ICA1: variants seen among roughly 807,000 people sequenced by gnomAD.
ICA1 encodes 69 kDa islet cell autoantigen.
ICA1 carries 40 observed loss-of-function variants against 71.0 expected under a neutral mutation model. That is an observed-to-expected ratio of 0.56 (90% CI 0.44 to 0.73). The LOEUF (loss-of-function observed/expected upper bound fraction) is 0.73. Ranked by LOEUF, ICA1 falls within the 30% of genes least tolerant of loss-of-function variation. The probability of loss-of-function intolerance (pLI) is 0.00; values close to 1 mark genes in which losing one functional copy is unlikely to be tolerated. For synonymous variants in ICA1, 207 were observed against 209.5 expected, an observed-to-expected ratio of 0.99 and a Z score of 0.10; for missense variants, 578 against 576.5, an observed-to-expected ratio of 1.00 and a Z score of -0.03.
intron 5 of ICA1, among the ~76,000 whole-genome samples, chr7:8,219,311 T>G (rs941456524): frequency 6.6e-6 from 1 of 152,276 alleles, no homozygotes; most frequent in African/African-American, 2.4e-5. Context: ...AAATATACTC[T>G]TCTTCATGAA....
At chr7:8,121,466 G>A (rs1240381796) in intron 13 of ICA1, among the ~76,000 whole-genome samples, 1 of 152,184 alleles carries the variant, frequency 6.6e-6, no homozygotes, top group Admixed American at 6.5e-5. Flanking sequence ...GATGGAACTG[G>A]AAGACATTAT....
chr7:8,126,535 A>C (rs1562536490), intron 13 of ICA1, among the ~76,000 whole-genome samples: 1 of 151,736 alleles, frequency 6.6e-6, no homozygotes, highest in Non-Finnish European at 1.5e-5. Flanking sequence ...CATGTATTTC[A>C]TTTAAAAAAA....
intron 6 of ICA1, among the ~76,000 whole-genome samples, chr7:8,199,957 A>C (rs949178272): frequency 2.0e-5 from 3 of 152,150 alleles, no homozygotes; most frequent in Admixed American, 6.5e-5. Flanking sequence ...TAATGGGTAC[A>C]AAAAAATAGA....
chr7:8,151,853 G>C (rs1798907522), intron 8 of ICA1, among the ~76,000 whole-genome samples: 1 of 152,210 alleles, frequency 6.6e-6, no homozygotes, highest in African/African-American at 2.4e-5. Flanking sequence ...ACAGTGCTAA[G>C]ACCTACACCC....
chr7:8,246,816 G>A (rs1003914843), intron 1 of ICA1, among the ~76,000 whole-genome samples: 7 of 152,122 alleles, frequency 4.6e-5, no homozygotes, highest in East Asian at 1.9e-4. Flanking sequence ...GTGCGATCTC[G>A]GCTCACCACA....
At position 8,222,556 on chromosome 7, in the gene ICA1, GACATTAGGC is replaced by G. The variant is rs1186864337; in HGVS notation, c.257-1167_257-1159del. Among the ~76,000 whole-genome samples, 5 of 152,128 alleles carry G rather than the reference GACATTAGGC, an allele frequency of 3.3e-5. No homozygotes were observed. The highest frequency in any genetic ancestry group is 9.7e-5 in the African/African-American group (4 of 41,398). On this transcript the variant is annotated intron_variant, in intron 4 of 13. Coordinates refer to ENST00000402384, the MANE Select transcript of ICA1 (RefSeq NM_001136020.3). This position sits in a 1 kb window ranked among gnomAD's most constrained non-coding sequence, Gnocchi z 4.8. ...ATAATCTCACTAACAATAATTGTAG[GACATTAGGC>G]AGGAACCACAAATCCAAAGGTGAAG...
chr7:8,260,307 G>C (rs1009983227), intron 1 of ICA1, among the ~76,000 whole-genome samples: 1 of 152,070 alleles, frequency 6.6e-6, no homozygotes, highest in Non-Finnish European at 1.5e-5. Context: ...TATACTTTTC[G>C]TGAGATTGAT....
chr7:8,246,133 G>A (rs1463790103), intron 1 of ICA1, among the ~76,000 whole-genome samples: 1 of 152,194 alleles, frequency 6.6e-6, no homozygotes, highest in Non-Finnish European at 1.5e-5. Context: ...CTAAAGATCT[G>A]CTTGTGGTCA....
intron 9 of ICA1, among the ~76,000 whole-genome samples, chr7:8,143,602 C>T (rs1795933984): frequency 6.6e-6 from 1 of 152,168 alleles, no homozygotes; most frequent in Non-Finnish European, 1.5e-5. Flanking sequence ...CCAGGGAATG[C>T]TGGGGACATT....
chr7:8,128,220 A>G, intron 12 of ICA1, 78 bp from the exon 13 acceptor site: 1 of 1,445,672 alleles, frequency 6.9e-7, no homozygotes, highest in South Asian at 1.3e-5. Context: ...GGGGCTGCGA[A>G]GGGGGAGACT....
intron 12 of ICA1, among the ~76,000 whole-genome samples, chr7:8,135,619 T>A (rs1031849301): frequency 6.6e-6 from 1 of 152,176 alleles, no homozygotes; most frequent in Admixed American, 6.5e-5. Flanking sequence ...GGTAAACATG[T>A]ATGACTGCTG....
chr7:8,143,713 C>A (rs574579563), intron 9 of ICA1, among the ~76,000 whole-genome samples, 162 bp downstream of exon 9: 1 of 152,220 alleles, frequency 6.6e-6, no homozygotes, highest in African/African-American at 2.4e-5. Flanking sequence ...CTAGCAGGAG[C>A]ATGCGTTAAA....
intron 8 of ICA1, among the ~76,000 whole-genome samples, chr7:8,151,608 G>A (rs991983964): frequency 6.6e-6 from 1 of 152,154 alleles, no homozygotes; most frequent in African/African-American, 2.4e-5. Flanking sequence ...AAATAGCATT[G>A]CAGGGATATT....
intron 2 of ICA1, among the ~76,000 whole-genome samples, chr7:8,235,603 A>G (rs1238480454): frequency 6.6e-6 from 1 of 152,232 alleles, no homozygotes; most frequent in Admixed American, 6.5e-5. Context: ...ATAGTAATAA[A>G]AACGCATCAA....
At chr7:8,251,101 T>C (rs1808021576) in intron 1 of ICA1, among the ~76,000 whole-genome samples, 1 of 151,978 alleles carries the variant, frequency 6.6e-6, no homozygotes, top group Non-Finnish European at 1.5e-5. Flanking sequence ...CTCCCAATGC[T>C]AGTCTCAAAC....
intron 6 of ICA1, among the ~76,000 whole-genome samples, chr7:8,207,286 C>A (rs1004259079): frequency 2.6e-5 from 4 of 152,194 alleles, no homozygotes; most frequent in African/African-American, 9.7e-5. Flanking sequence ...ATGGTAACAA[C>A]AGAAGCCTGA....
At chr7:8,157,926 G>A (rs1043550660) in intron 7 of ICA1, among the ~76,000 whole-genome samples, 1 of 152,060 alleles carries the variant, frequency 6.6e-6, no homozygotes, top group African/African-American at 2.4e-5. Context: ...CTGACCTCAA[G>A]TGATCCGCCT....
At chr7:8,189,996 G>C (rs1460205801) in intron 6 of ICA1, among the ~76,000 whole-genome samples, 3 of 152,182 alleles carry the variant, frequency 2.0e-5, no homozygotes, top group African/African-American at 7.2e-5. Context: ...TTGGAGGGAC[G>C]GGCTCAGGAG....
intron 8 of ICA1, among the ~76,000 whole-genome samples, chr7:8,147,350 C>G (rs1797379964): frequency 6.6e-6 from 1 of 152,192 alleles, no homozygotes; most frequent in African/African-American, 2.4e-5. Context: ...ACCACAATCA[C>G]AGTTAAGTCA....
Sources: allele counts gnomAD v4.1 joint callset (sites outside exome capture counted in the v4.1 genomes callset), GRCh38; gene constraint gnomAD v4.1.1; non-coding constraint Gnocchi (gnomAD v3.1); transcripts MANE v1.5; gene names NCBI Gene and HGNC (gene_info 2026-07-23, HGNC 2026-07-21).